The following ENOX1 variants were observed in gnomAD, a reference collection of about 807,000 sequenced individuals.
ENOX1 encodes candidate growth-related and time keeping constitutive hydroquinone (NADH) oxidase.
Under a neutral mutation model 82.5 loss-of-function variants are expected in ENOX1, and 42 were observed. The ratio of observed to expected loss-of-function variants is 0.51; its 90% confidence interval spans 0.40 to 0.66. The LOEUF is 0.66. Among genes scored for constraint, ENOX1 ranks in the 30% least tolerant of loss-of-function variants. ENOX1 has a pLI of 0.00. For synonymous variants in ENOX1, 271 were observed against 282.2 expected (o/e 0.96, Z 0.40); for missense variants, 608 against 811.6 (o/e 0.75, Z 3.05).
At chr13:43,784,135 C>T (rs939126244) in intron 1 of ENOX1, among the ~76,000 whole-genome samples, 1 of 152,174 alleles carries the variant, frequency 6.6e-6, no homozygotes, top group Non-Finnish European at 1.5e-5. Context: ...ATGACAATAA[C>T]ATATATACGA....
intron 2 of ENOX1, among the ~76,000 whole-genome samples, chr13:43,650,423 G>A (rs1207171266): frequency 2.6e-5 from 4 of 152,064 alleles, no homozygotes; most frequent in Admixed American, 1.3e-4. Context: ...CACAGCTATC[G>A]TTCATGCCAT....
chr13:43,351,171 C>T (rs1360304304), intron 8 of ENOX1, among the ~76,000 whole-genome samples: 1 of 152,172 alleles, frequency 6.6e-6, no homozygotes, highest in Non-Finnish European at 1.5e-5. Context: ...CTGTACATGT[C>T]CCTAAAGAAG....
intron 16 of ENOX1, among the ~76,000 whole-genome samples, chr13:43,214,599 T>C (rs1003391690): frequency 3.9e-5 from 6 of 152,184 alleles, no homozygotes; most frequent in African/African-American, 1.2e-4. Flanking sequence ...AATTTTCACA[T>C]AGACCAGAGA....
At chr13:43,291,969 C>G (rs1247312826) in intron 12 of ENOX1, among the ~76,000 whole-genome samples, 1 of 152,154 alleles carries the variant, frequency 6.6e-6, no homozygotes, top group Admixed American at 6.5e-5. Flanking sequence ...GGCCACGCAG[C>G]AGATCCAGAC....
intron 2 of ENOX1, among the ~76,000 whole-genome samples, chr13:43,568,490 A>C (rs1216410116): frequency 6.6e-6 from 1 of 152,152 alleles, no homozygotes; most frequent in Non-Finnish European, 1.5e-5. Flanking sequence ...ACTAGTGTGG[A>C]GGTGATTACC....
intron 8 of ENOX1, among the ~76,000 whole-genome samples, chr13:43,345,635 A>G (rs2049332787): frequency 6.6e-6 from 1 of 152,256 alleles, no homozygotes; most frequent in South Asian, 2.1e-4. Context: ...TAAGTTAATT[A>G]GAACTGGAAG....
At chr13:43,633,289 A>G (rs2083289501) in intron 2 of ENOX1, among the ~76,000 whole-genome samples, 1 of 152,224 alleles carries the variant, frequency 6.6e-6, no homozygotes, top group African/African-American at 2.4e-5. Flanking sequence ...TTCATAGACC[A>G]TTGATGAGAA....
At chr13:43,483,832 G>A (rs1006164226) in intron 3 of ENOX1, among the ~76,000 whole-genome samples, 177 bp downstream of exon 3, 12 of 152,034 alleles carry the variant, frequency 7.9e-5, no homozygotes, top group Non-Finnish European at 2.9e-5. Context: ...ACATAAATAA[G>A]TATGACAAGA....
At chr13:43,538,258 A>C (rs1454491990) in intron 2 of ENOX1, among the ~76,000 whole-genome samples, 2 of 152,196 alleles carry the variant, frequency 1.3e-5, no homozygotes, top group East Asian at 3.9e-4. Context: ...TTTTTAAAAA[A>C]CCATAGAGAA....
chr13:43,439,926 T>C (rs1383161080), intron 3 of ENOX1, among the ~76,000 whole-genome samples: 1 of 152,192 alleles, frequency 6.6e-6, no homozygotes, highest in Non-Finnish European at 1.5e-5. Context: ...GTATTATAGA[T>C]TCAGAAAATG....
At chr13:43,467,105 T>A (rs1284783715) in intron 3 of ENOX1, among the ~76,000 whole-genome samples, 1 of 152,204 alleles carries the variant, frequency 6.6e-6, no homozygotes, top group East Asian at 1.9e-4. Flanking sequence ...ACAATTTTTG[T>A]GTGAATGTAT....
intron 2 of ENOX1, among the ~76,000 whole-genome samples, chr13:43,485,128 C>T (rs1236877748): frequency 6.6e-6 from 1 of 152,204 alleles, no homozygotes; most frequent in Non-Finnish European, 1.5e-5. Context: ...TGGCTACATT[C>T]ACCTTAATGG....
At chr13:43,289,922 C>T (rs2045905901) in intron 12 of ENOX1, among the ~76,000 whole-genome samples, 2 of 151,994 alleles carry the variant, frequency 1.3e-5, no homozygotes, top group African/African-American at 4.8e-5. Context: ...GGCACATGAA[C>T]AGATACTTCT....
chr13:43,685,222 G>T (rs1259918130), intron 1 of ENOX1, among the ~76,000 whole-genome samples: 2 of 152,080 alleles, frequency 1.3e-5, no homozygotes, highest in African/African-American at 2.4e-5. Context: ...TAGTTGATCC[G>T]CATTTTCTGC....
chr13:43,698,169 G>C (rs2086732626), intron 1 of ENOX1, among the ~76,000 whole-genome samples: 1 of 152,106 alleles, frequency 6.6e-6, no homozygotes, highest in Admixed American at 6.5e-5. Context: ...TGTGTCACTG[G>C]TTTTCACCTA....
intron 2 of ENOX1, among the ~76,000 whole-genome samples, chr13:43,610,300 C>A (rs1271341622): frequency 1.3e-5 from 2 of 152,110 alleles, no homozygotes; most frequent in Non-Finnish European, 2.9e-5. Context: ...TGCATGGGAG[C>A]ACTTTTCTTG....
Position 43,743,676 on chromosome 13 carries a change from G to A in ENOX1, c.-285+42976C>T, listed in dbSNP as rs188391687. ...AGCAGGATAAGTACTGCAACACACAGGGAAGAAATGAAATCACGAAGATCT... is the reference window on the plus strand; with the variant it reads ...AGCAGGATAAGTACTGCAACACACAAGGAAGAAATGAAATCACGAAGATCT... On this transcript the variant is annotated intron_variant, in intron 1 of 16. Transcript: ENST00000690772. 2.8e-4 allele frequency among the ~76,000 whole-genome samples: 43 copies of A among 152,310 alleles called. 3 individuals are homozygous for A. Among genetic ancestry groups the A allele is most frequent in the African/African-American group, 9.9e-4 (41 of 41,572 alleles).
intron 2 of ENOX1, among the ~76,000 whole-genome samples, chr13:43,608,569 T>C (rs1479562772): frequency 6.6e-6 from 1 of 152,126 alleles, no homozygotes; most frequent in Non-Finnish European, 1.5e-5. Context: ...CAGCTGCAGC[T>C]AGAAATGAGT....
chr13:43,596,553 A>G (rs2081481502), intron 2 of ENOX1, among the ~76,000 whole-genome samples: 2 of 152,228 alleles, frequency 1.3e-5, no homozygotes, highest in Non-Finnish European at 2.9e-5. Context: ...TCTTAATGAC[A>G]AAGTCTTAAT....
Sources: allele counts gnomAD v4.1 joint callset (sites outside exome capture counted in the v4.1 genomes callset), GRCh38; gene constraint gnomAD v4.1.1; transcripts MANE v1.5; gene names NCBI Gene and HGNC (gene_info 2026-07-23, HGNC 2026-07-21).